Variants in C12orf42 observed in about 807,000 individuals in gnomAD.
C12orf42 encodes chromosome 12 open reading frame 42, also known as uncharacterized protein C12orf42.
C12orf42 carries 25 observed loss-of-function variants against 21.6 expected under a neutral mutation model. The observed-to-expected ratio is 1.16, with a 90% confidence interval of 0.84 to 1.62. C12orf42 has a LOEUF of 1.62. Among genes scored for constraint, C12orf42 ranks in the 40% most tolerant of loss-of-function variants. The pLI, the probability that C12orf42 is intolerant of heterozygous loss-of-function variation, is 0.00. For missense variants in C12orf42, 483 were observed against 459.3 expected (o/e 1.05, Z -0.47); for synonymous variants, 174 against 175.0 (o/e 0.99, Z 0.05).
chr12:103,403,199 C>A (rs1165432110), intron 2 of C12orf42, among the ~76,000 whole-genome samples: 1 of 151,980 alleles, frequency 6.6e-6, no homozygotes, highest in Non-Finnish European at 1.5e-5. Flanking sequence ...CACGGTGAAA[C>A]CCCGTCTCTA....
At chr12:103,089,610 T>C in the C12orf42 span, among the ~76,000 whole-genome samples, 1 of 123,038 alleles carries the variant, frequency 8.1e-6, no homozygotes, top group South Asian at 2.5e-4. Flanking sequence ...ATTAAGAGGG[T>C]GTGTGTGTCT....
chr12:103,277,030 T>C (rs1053728774), intron 5 of C12orf42: 69 of 420,828 alleles, frequency 1.6e-4, no homozygotes, highest in African/African-American at 2.9e-4. Context: ...TTATTTACAA[T>C]AAAAACACAG....
intron 4 of C12orf42, among the ~76,000 whole-genome samples, chr12:103,352,165 C>T (rs1049061498): frequency 6.6e-6 from 1 of 152,106 alleles, no homozygotes; most frequent in African/African-American, 2.4e-5. Flanking sequence ...CCTGGTTCTT[C>T]ACTTACCCAT....
At chr12:103,327,359 C>A (rs952803805) in intron 4 of C12orf42, among the ~76,000 whole-genome samples, 1 of 152,078 alleles carries the variant, frequency 6.6e-6, no homozygotes, top group Non-Finnish European at 1.5e-5. Flanking sequence ...CCAAGTTAAA[C>A]CTGAATTTCA....
chr12:103,146,571 A>T, the C12orf42 span, among the ~76,000 whole-genome samples: 4 of 146,794 alleles, frequency 2.7e-5, no homozygotes, highest in Admixed American at 1.3e-4. Flanking sequence ...AAAGAAAGAA[A>T]GAAAGAAAGA....
chr12:103,434,158 G>C (rs1352524637), intron 2 of C12orf42, among the ~76,000 whole-genome samples: 1 of 152,174 alleles, frequency 6.6e-6, no homozygotes. Flanking sequence ...CTGACTCTTA[G>C]AGCCAAGATG....
chr12:103,452,402 G>T (rs2888734), intron 2 of C12orf42, among the ~76,000 whole-genome samples: 23,081 of 152,020 alleles, frequency 0.15, 1,914 homozygotes, highest in African/African-American at 0.21. Flanking sequence ...TGAGTCAGAT[G>T]CAAGAATTAA....
rs138827740 is a variant in C12orf42 at position 103,252,794 on chromosome 12, G to T, written c.*1366+10532C>A. 9.3e-4 allele frequency among the ~76,000 whole-genome samples: 142 copies of T among 152,272 alleles called. 2 individuals carry two copies. Among genetic ancestry groups the T allele is most frequent in the Admixed American group, 4.8e-3 (74 of 15,286 alleles). On this transcript the variant is annotated intron_variant and NMD_transcript_variant, in intron 10 of 10. Coordinates refer to the C12orf42 transcript ENST00000547347. ...TGATCGGTTCTTTTGCTGTGCAGAAGCTCTTTAGTTTATTTAGATCCCATT... is the reference window on the plus strand; with the variant it reads ...TGATCGGTTCTTTTGCTGTGCAGAATCTCTTTAGTTTATTTAGATCCCATT...
intron 2 of C12orf42, among the ~76,000 whole-genome samples, chr12:103,434,559 C>A (rs977522766): frequency 6.6e-6 from 1 of 152,100 alleles, no homozygotes; most frequent in African/African-American, 2.4e-5. Context: ...ATGCACGAGC[C>A]GAAGCAGGGC....
chr12:103,088,992 C>T, the C12orf42 span, among the ~76,000 whole-genome samples: 1 of 148,210 alleles, frequency 6.7e-6, no homozygotes, highest in East Asian at 2.1e-4. Flanking sequence ...GTCCCAGCTA[C>T]TCGGGAGGCT....
chr12:103,059,674 A>G, the C12orf42 span, among the ~76,000 whole-genome samples: 1 of 152,220 alleles, frequency 6.6e-6, no homozygotes, highest in South Asian at 2.1e-4. Context: ...GGTTCAACAT[A>G]TGCAAATCAA....
chr12:103,369,086 A>C (rs2044920546), intron 3 of C12orf42, 88 bp from the exon 4 acceptor site: 1 of 576,212 alleles, frequency 1.7e-6, no homozygotes, highest in South Asian at 2.8e-5. Flanking sequence ...TTACTTCCCT[A>C]AAGTGAGTGA....
At chr12:103,239,785 G>A (rs1043004948) in intron 10 of C12orf42, among the ~76,000 whole-genome samples, 17 of 152,176 alleles carry the variant, frequency 1.1e-4, no homozygotes, top group Admixed American at 1.1e-3. Context: ...AACCATGTTG[G>A]TCTGGGGATA....
At chr12:103,476,386 T>C (rs1954053010) in intron 2 of C12orf42, among the ~76,000 whole-genome samples, 2 of 152,208 alleles carry the variant, frequency 1.3e-5, no homozygotes, top group Admixed American at 1.3e-4. Context: ...TTGCCATTTT[T>C]GGACCCAAGA....
At chr12:103,094,454 GTTCTAGGTAT>G in the C12orf42 span, among the ~76,000 whole-genome samples, 3 of 152,102 alleles carry the variant, frequency 2.0e-5, no homozygotes, top group African/African-American at 7.2e-5. Flanking sequence ...ACAGGATTCA[GTTCTAGGTAT>G]TTCTAGGTAT....
chr12:103,409,347 T>C (rs1037274659), intron 2 of C12orf42, among the ~76,000 whole-genome samples: 1 of 152,142 alleles, frequency 6.6e-6, no homozygotes, highest in African/African-American at 2.4e-5. Context: ...CCTCCCAAAA[T>C]GCAAAATAAA....
intron 10 of C12orf42, among the ~76,000 whole-genome samples, chr12:103,251,063 C>T (rs929955057): frequency 1.3e-5 from 2 of 152,092 alleles, no homozygotes; most frequent in African/African-American, 4.8e-5. Flanking sequence ...GTTTATCAAG[C>T]AACTGTGATA....
chr12:103,536,102 T>C, the C12orf42 span, among the ~76,000 whole-genome samples: 2 of 152,168 alleles, frequency 1.3e-5, no homozygotes, highest in Admixed American at 1.3e-4. Context: ...ATTGTAAGAA[T>C]GAATTGATTG....
chr12:103,155,876 C>T, the C12orf42 span, among the ~76,000 whole-genome samples: 13 of 150,304 alleles, frequency 8.6e-5, no homozygotes, highest in Non-Finnish European at 1.5e-4. Context: ...TACATATATA[C>T]ATATATGTGT....
Sources: gnomAD v4.1 joint callset for allele counts (sites outside exome capture counted in the v4.1 genomes callset) on GRCh38, gnomAD v4.1.1 for gene constraint, MANE v1.5 for transcripts, NCBI Gene and HGNC (gene_info 2026-07-23, HGNC 2026-07-21) for gene names.